The following NHS variants were observed in gnomAD, a reference collection of about 807,000 sequenced individuals.
The protein encoded by NHS is actin remodeling regulator NHS.
Under a neutral mutation model 72.5 loss-of-function variants are expected in NHS, and 5 were observed. The observed-to-expected ratio is 0.07, with a 90% CI of 0.04 to 0.14. NHS has a LOEUF of 0.14. Among genes scored for constraint, NHS ranks in the 10% least tolerant of loss-of-function variants. NHS has a pLI of 1.00. For missense variants in NHS, 1,072 were observed against 1,355.7 expected, an observed-to-expected ratio of 0.79 and a Z score of 3.29; for synonymous variants, 464 against 547.7, an observed-to-expected ratio of 0.85 and a Z score of 2.13.
At position 17,412,621 on chromosome X, in the gene NHS, G is replaced by GAA. The variant is rs1302105992; in HGVS notation, c.565+36302_565+36303dup. On this transcript the variant is annotated intron_variant, in intron 1 of 8. Coordinates refer to ENST00000676302, the MANE Select transcript of NHS (RefSeq NM_001291867.2). ...TTAAGAAGAAAGAGAGAGAGAGAGA[G>GAA]AAAACAAAGGCAGCAATTATGCTAA... is the stretch of plus-strand genomic sequence containing the variant. Among the ~76,000 whole-genome samples, 6 of 111,071 alleles carry GAA rather than the reference G, an allele frequency of 5.4e-5. No individual in the cohort carries two copies. The Admixed American group carries it at 5.8e-4, about 11-fold the overall frequency.
intron 1 of NHS, among the ~76,000 whole-genome samples, chrX:17,671,203 AAG>A (rs1262330213): frequency 5.3e-5 from 6 of 112,481 alleles, no homozygotes; most frequent in Non-Finnish European, 9.4e-5. Context: ...TGTTAGAACA[AAG>A]AGTTACTCCA....
intron 1 of NHS, among the ~76,000 whole-genome samples, chrX:17,645,757 G>A (rs924220507): frequency 5.4e-5 from 6 of 111,715 alleles, no homozygotes; most frequent in African/African-American, 6.5e-5. Flanking sequence ...AGAAATATCC[G>A]AATCATCTGT....
intron 1 of NHS, chrX:17,635,543 A>G (rs1283531564): frequency 8.6e-7 from 1 of 1,166,274 alleles, no homozygotes; most frequent in Non-Finnish European, 1.1e-6. Flanking sequence ...GCCCTTCCTT[A>G]AGGAGCAGAG....
intron 1 of NHS, among the ~76,000 whole-genome samples, chrX:17,522,506 C>T (rs1278309036): frequency 4.2e-4 from 28 of 67,063 alleles, no homozygotes; most frequent in African/African-American, 1.4e-3. Context: ...CCCCCCCCCC[C>T]GCCCCATCCC....
At chrX:17,406,278 C>T (rs1453947599) in intron 1 of NHS, among the ~76,000 whole-genome samples, 3 of 111,527 alleles carry the variant, frequency 2.7e-5, no homozygotes, top group Admixed American at 9.6e-5. Context: ...CTGCCATTTC[C>T]ACCCCAAACC....
chrX:17,392,578 C>A (rs1354893677), intron 1 of NHS, among the ~76,000 whole-genome samples: 1 of 111,941 alleles, frequency 8.9e-6, no homozygotes, highest in Non-Finnish European at 1.9e-5. Flanking sequence ...CTTGAGTAAG[C>A]AAATGGAAAT....
chrX:17,643,714 C>T (rs1036970783), intron 1 of NHS, among the ~76,000 whole-genome samples: 1 of 112,058 alleles, frequency 8.9e-6, no homozygotes, highest in Admixed American at 9.4e-5. Flanking sequence ...TTGCCTGCAA[C>T]TGATATATTT....
At position 17,575,650 on chromosome X, in the gene NHS, C is replaced by G. The variant is rs1241818178; in HGVS notation, c.566-112092C>G. ...GTAGGTCCTTGATTTCTCTTTACTTCCCCCACTAAACTGTAAGCTCCATGA... is the reference window on the plus strand; with the variant it reads ...GTAGGTCCTTGATTTCTCTTTACTTGCCCCACTAAACTGTAAGCTCCATGA... On this transcript the variant is annotated intron_variant, in intron 1 of 8. Coordinates refer to ENST00000676302, the MANE Select transcript of NHS (RefSeq NM_001291867.2). 8.0e-5 allele frequency among the ~76,000 whole-genome samples: 9 copies of G among 112,068 alleles called. No individual in the cohort carries two copies. In the East Asian group the frequency reaches 2.5e-3, roughly 31 times the overall value.
At chrX:17,631,858 G>A (rs770241903) in intron 1 of NHS, among the ~76,000 whole-genome samples, 3 of 112,109 alleles carry the variant, frequency 2.7e-5, no homozygotes, top group East Asian at 5.6e-4. Flanking sequence ...ATGAGGTACC[G>A]AGGCTTCTTC....
At chrX:17,490,033 C>A (rs146122713) in intron 1 of NHS, among the ~76,000 whole-genome samples, 1 of 111,635 alleles carries the variant, frequency 9.0e-6, no homozygotes, top group African/African-American at 3.3e-5. Context: ...AGCCCTTTGT[C>A]AGATCAATAG....
At chrX:17,420,852 T>C (rs1297270202) in intron 1 of NHS, among the ~76,000 whole-genome samples, 2 of 111,800 alleles carry the variant, frequency 1.8e-5, no homozygotes, top group Admixed American at 1.9e-4. Context: ...ATTAAAAAAA[T>C]ACTAAGTTCT....
intron 1 of NHS, among the ~76,000 whole-genome samples, chrX:17,657,253 A>G (rs968671166): frequency 8.9e-6 from 1 of 112,548 alleles, no homozygotes; most frequent in African/African-American, 3.2e-5. Context: ...TGCGGGGAAG[A>G]CTCAGCAGGC....
At chrX:17,627,938 C>A (rs1265359046) in intron 1 of NHS, among the ~76,000 whole-genome samples, 1 of 112,519 alleles carries the variant, frequency 8.9e-6, no homozygotes, top group Non-Finnish European at 1.9e-5. Flanking sequence ...CTAGGACAGG[C>A]TTAAGCCATT....
chrX:17,546,837 G>A (rs987148040), intron 1 of NHS, among the ~76,000 whole-genome samples: 3 of 112,585 alleles, frequency 2.7e-5, no homozygotes, highest in Non-Finnish European at 5.6e-5. Context: ...AGGAGGAGAA[G>A]GTGGCATTTA....
Position 17,725,525 on chromosome X carries a change from A to G in NHS, c.1419A>G (p.Ala473=), listed in dbSNP as rs375453021. The G allele has an allele frequency of 5.8e-6, 7 of 1,209,683 alleles. No homozygotes were observed. Among genetic ancestry groups the G allele is most frequent in the African/African-American group, 1.8e-5 (1 of 56,997 alleles). The part of the protein sequence containing the change: ...RIRAQRGQSI[A]ASLSHSAGNI... ...GAGCTCAAAGGGGTCAAAGCATTGC[A>G]GCTTCCCTTTCTCATTCTGCTGGCA... Residue 473 remains alanine (A), a synonymous_variant, in exon 7 of 9, where the codon GCA becomes GCG. Coordinates refer to ENST00000676302, the MANE Select transcript of NHS (RefSeq NM_001291867.2).
rs1288315302 is a variant in NHS, at chrX:17,707,338, A to G, written c.853-12006A>G. Among the ~76,000 whole-genome samples, 3 of 112,532 alleles carry G rather than the reference A, an allele frequency of 2.7e-5. No homozygotes were observed. In the East Asian group the frequency reaches 8.3e-4, roughly 31 times the overall value. Reference sequence around the variant, plus strand: ...GAATTCATTTCAACATATTGCCTTTACAGTTGTATTGTTTGCCAGACTTGA... The same window carrying G: ...GAATTCATTTCAACATATTGCCTTTGCAGTTGTATTGTTTGCCAGACTTGA... On this transcript the variant is annotated intron_variant, in intron 3 of 8. Coordinates refer to ENST00000676302, the MANE Select transcript of NHS (RefSeq NM_001291867.2).
chrX:17,615,117 TAC>T (rs1284695972), intron 1 of NHS, among the ~76,000 whole-genome samples: 47 of 97,850 alleles, frequency 4.8e-4, no homozygotes, highest in African/African-American at 1.6e-3. Flanking sequence ...TATATATATA[TAC>T]ACACATATAC....
chrX:17,718,233 T>C (rs904351053), intron 3 of NHS, among the ~76,000 whole-genome samples: 7 of 107,580 alleles, frequency 6.5e-5, no homozygotes, highest in Non-Finnish European at 9.6e-5. Context: ...AGAAAATAAG[T>C]GGTGGAGGCA....
intron 1 of NHS, among the ~76,000 whole-genome samples, chrX:17,609,613 C>T (rs1280413654): frequency 1.8e-5 from 2 of 111,764 alleles, no homozygotes; most frequent in Non-Finnish European, 3.8e-5. Context: ...TTTATGTTAG[C>T]ATGTTGAGAG....
Sources: gnomAD v4.1 joint callset for allele counts (sites outside exome capture counted in the v4.1 genomes callset) on GRCh38, gnomAD v4.1.1 for gene constraint, MANE v1.5 for transcripts, NCBI Gene and HGNC (gene_info 2026-07-23, HGNC 2026-07-21) for gene names.